The following FOXK1 variants were observed in gnomAD, a reference collection of about 807,000 sequenced individuals.
The protein encoded by FOXK1 is forkhead box protein K1.
A neutral mutation model predicts 51.9 loss-of-function variants in FOXK1; 19 were observed. That is an observed-to-expected ratio of 0.37 (90% CI 0.26 to 0.54). The LOEUF is 0.54. Ranked by LOEUF, FOXK1 falls within the 20% of genes least tolerant of loss-of-function variation. FOXK1 has a pLI of 0.87. For synonymous variants in FOXK1, 537 were observed against 482.6 expected, an observed-to-expected ratio of 1.11 and a Z score of -1.48; for missense variants, 870 against 1,032.7, an observed-to-expected ratio of 0.84 and a Z score of 2.16.
At chr7:4,694,926 GA>G (rs1199397235) in intron 1 of FOXK1, among the ~76,000 whole-genome samples, 1 of 152,252 alleles carries the variant, frequency 6.6e-6, no homozygotes, top group African/African-American at 2.4e-5. Context: ...GTTTACTGAT[GA>G]AATTAGGGAA....
At position 4,734,625 on chromosome 7, in the gene FOXK1, A is replaced by G. The variant is rs372931749; in HGVS notation, c.561-6213A>G. The stretch of plus-strand genomic sequence containing the variant: ...CACGGGGCTCCCTCCCTGGGGCTTC[A>G]TGGGGGGCTCAGGAAGGCTGGGTCT... On this transcript the variant is annotated intron_variant, in intron 1 of 8. Coordinates refer to ENST00000328914, the MANE Select transcript of FOXK1 (RefSeq NM_001037165.2). The surrounding 1 kb of genome is among the most constrained non-coding windows in gnomAD (Gnocchi z 5.2). 1.9e-4 allele frequency among the ~76,000 whole-genome samples: 29 copies of G among 152,252 alleles called. No homozygotes were observed. The highest frequency in any genetic ancestry group is 6.7e-4 in the African/African-American group (28 of 41,566).
At position 4,705,946 on chromosome 7, in the gene FOXK1, TTA is replaced by T. The variant is rs1458577848; in HGVS notation, c.560+23090_560+23091del. On this transcript the variant is annotated intron_variant, in intron 1 of 8. Transcript: ENST00000328914. ...ACTATATCATTTCCAACTTTCAAAA[TTA>T]TATATATATATGTATATATATATAC... is the stretch of plus-strand genomic sequence containing the variant. Among the ~76,000 whole-genome samples, 29 of 132,514 alleles carry T rather than the reference TTA, an allele frequency of 2.2e-4. 1 individual carries two copies. The highest frequency in any genetic ancestry group is 4.3e-4 in the South Asian group (2 of 4,616). 86.9% of individuals were successfully genotyped at this position (132,514 alleles called of 152,430 possible).
chr7:4,699,671 C>CA (rs1450662035), intron 1 of FOXK1, among the ~76,000 whole-genome samples: 5 of 152,098 alleles, frequency 3.3e-5, no homozygotes, highest in Non-Finnish European at 5.9e-5. Flanking sequence ...CCTGGCCTCA[C>CA]AGGGTTAGTT....
At chr7:4,700,700 G>A (rs990550826) in intron 1 of FOXK1, among the ~76,000 whole-genome samples, 7 of 151,988 alleles carry the variant, frequency 4.6e-5, no homozygotes, top group East Asian at 1.9e-4. Context: ...CCTGTGGTAC[G>A]AGCTACTCGG....
At chr7:4,759,239 TGCGGG>T (rs762977413) in intron 6 of FOXK1, 22 bp downstream of exon 6, 19 of 1,317,910 alleles carry the variant, frequency 1.4e-5, no homozygotes, top group South Asian at 3.5e-5. Context: ...GCGGCCCTCT[TGCGGG>T]GCGGGGCGGG....
At chr7:4,687,057 C>G (rs551636665) in intron 1 of FOXK1, among the ~76,000 whole-genome samples, 1 of 150,778 alleles carries the variant, frequency 6.6e-6, no homozygotes, top group Non-Finnish European at 1.5e-5. Context: ...CTCAGCCTCC[C>G]GAGTACCTGG....
In FOXK1 at chr7:4,759,546, C is replaced by T. The variant is rs1005380627; in HGVS notation, c.1647C>T (p.Ser549=). 1.9e-6 allele frequency: 3 copies of T among 1,553,300 alleles called. No individual in the cohort carries two copies. The highest frequency in any genetic ancestry group is 2.6e-6 in the Non-Finnish European group (3 of 1,155,556). ...ILTSQGAAGG[S]HDAAGAAVLD... Reference sequence around the variant, plus strand: ...CCAGCCAGGGCGCGGCGGGGGGCTCCCATGATGCGGCGGGCGCAGCCGTGC... The same window carrying T: ...CCAGCCAGGGCGCGGCGGGGGGCTCTCATGATGCGGCGGGCGCAGCCGTGC... Residue 549 remains serine, a synonymous_variant, in exon 7 of 9, where the codon TCC becomes TCT. Transcript: ENST00000328914.
At chr7:4,686,350 C>T (rs905274821) in intron 1 of FOXK1, among the ~76,000 whole-genome samples, 1 of 152,180 alleles carries the variant, frequency 6.6e-6, no homozygotes, top group African/African-American at 2.4e-5. Context: ...AGAGCTCCCA[C>T]TCAGGAAGGA....
intron 1 of FOXK1, among the ~76,000 whole-genome samples, chr7:4,725,258 G>C (rs1780364919): frequency 6.6e-6 from 1 of 152,250 alleles, no homozygotes; most frequent in Admixed American, 6.5e-5. Context: ...TTTGGCCCAG[G>C]TGGCCGGAAC....
At chr7:4,759,723 G>C in intron 7 of FOXK1, 128 bp downstream of exon 7, 5 of 1,141,388 alleles carry the variant, frequency 4.4e-6, no homozygotes, top group Non-Finnish European at 6.1e-6. Flanking sequence ...TCTGCCTCTC[G>C]CTGCCTTGTC....
At chr7:4,688,266 TAAAA>T (rs34515938) in intron 1 of FOXK1, among the ~76,000 whole-genome samples, 1 of 135,538 alleles carries the variant, frequency 7.4e-6, no homozygotes. Flanking sequence ...TAAGAATTCT[TAAAA>T]AAAAAAAAAA....
chr7:4,685,098 C>T (rs1290703749), intron 1 of FOXK1, among the ~76,000 whole-genome samples: 2 of 151,596 alleles, frequency 1.3e-5, no homozygotes, highest in Admixed American at 6.6e-5. Context: ...TTTGACTTCA[C>T]CTGCACATGT....
chr7:4,721,571 TTTCTTTTTC>T (rs1374464369), intron 1 of FOXK1, among the ~76,000 whole-genome samples: 1 of 149,890 alleles, frequency 6.7e-6, no homozygotes, highest in Admixed American at 6.7e-5. Context: ...ACTTTTCTCT[TTTCTTTTTC>T]TTTTTTTTCT....
Position 4,703,214 on chromosome 7 carries a change from G to A in FOXK1, c.560+20346G>A, listed in dbSNP as rs1780041957. Reference sequence around the variant, plus strand: ...AAGTGCTGTTTTAGCCGAGGTCTAAGTTACAGGCAGGAGCTGGCAATGAGG... The same window carrying A: ...AAGTGCTGTTTTAGCCGAGGTCTAAATTACAGGCAGGAGCTGGCAATGAGG... On this transcript the variant is annotated intron_variant, in intron 1 of 8. Coordinates refer to ENST00000328914, the MANE Select transcript of FOXK1 (RefSeq NM_001037165.2). The surrounding 1 kb of genome is among the most constrained non-coding windows in gnomAD (Gnocchi z 5.6). 6.6e-6 allele frequency among the ~76,000 whole-genome samples: 1 copy of A among 152,142 alleles called. No homozygotes were observed. The highest frequency in any genetic ancestry group is 1.5e-5 in the Non-Finnish European group (1 of 68,032).
intron 5 of FOXK1, among the ~76,000 whole-genome samples, chr7:4,757,634 CAAAAAAAAAA>C (rs59200954): frequency 3.1e-3 from 62 of 20,198 alleles, no homozygotes; most frequent in East Asian, 0.026. Context: ...AACTCCGTCT[CAAAAAAAAAA>C]AAAAAAAAAA....
chr7:4,760,247 C>T (rs1780913924), intron 7 of FOXK1, among the ~76,000 whole-genome samples: 1 of 152,164 alleles, frequency 6.6e-6, no homozygotes, highest in South Asian at 2.1e-4. Flanking sequence ...CTTTAGAAGT[C>T]ATTTAGGGAA....
At position 4,734,857 on chromosome 7, in the gene FOXK1, G is replaced by T. The variant is rs973282833; in HGVS notation, c.561-5981G>T. ...CAGAAAGTAAACCCGTCCTTCCGCT[G>T]GGAGAGACGGGGCGAGGGGACAGCG... On this transcript the variant is annotated intron_variant, in intron 1 of 8. Transcript: ENST00000328914. The surrounding 1 kb of genome is among the most constrained non-coding windows in gnomAD (Gnocchi z 5.2). Among the ~76,000 whole-genome samples, 2 of 152,210 alleles carry T rather than the reference G, an allele frequency of 1.3e-5. No homozygotes were observed. The highest frequency in any genetic ancestry group is 6.5e-5 in the Admixed American group (1 of 15,280).
intron 1 of FOXK1, among the ~76,000 whole-genome samples, chr7:4,728,740 A>AAG: frequency 6.6e-6 from 1 of 150,922 alleles, no homozygotes; most frequent in East Asian, 1.9e-4. Context: ...GAAAAAAAAA[A>AAG]AAAAAAAAAA....
At chr7:4,732,209 T>G (rs1780486876) in intron 1 of FOXK1, among the ~76,000 whole-genome samples, 1 of 152,232 alleles carries the variant, frequency 6.6e-6, no homozygotes, top group Non-Finnish European at 1.5e-5. Flanking sequence ...TTGCTTGGAA[T>G]CATTTGTTCA....
Sources: allele counts gnomAD v4.1 joint callset (sites outside exome capture counted in the v4.1 genomes callset), GRCh38; gene constraint gnomAD v4.1.1; non-coding constraint Gnocchi (gnomAD v3.1); transcripts MANE v1.5; gene names NCBI Gene and HGNC (gene_info 2026-07-23, HGNC 2026-07-21).